SLC4A8: variants seen among roughly 807,000 people sequenced by gnomAD.
SLC4A8 encodes the protein solute carrier family 4 member 8, also known as electroneutral sodium bicarbonate exchanger 1.
SLC4A8 carries 40 observed loss-of-function variants against 125.0 expected under a neutral mutation model. That is an observed-to-expected ratio of 0.32 (90% CI 0.25 to 0.42). The LOEUF is 0.42. Among genes scored for constraint, SLC4A8 ranks in the 10% least tolerant of loss-of-function variants. The pLI is 1.00. For synonymous variants in SLC4A8, 456 were observed against 476.0 expected (o/e 0.96, Z 0.55); for missense variants, 863 against 1,355.1 (o/e 0.64, Z 5.70).
intron 1 of SLC4A8, among the ~76,000 whole-genome samples, chr12:51,430,336 T>G (rs551714975): frequency 6.6e-6 from 1 of 152,280 alleles, no homozygotes; most frequent in East Asian, 1.9e-4. Flanking sequence ...GCTGAGCGAA[T>G]GAATGAATGG....
chr12:51,410,677 C>T (rs962427709), intron 1 of SLC4A8, among the ~76,000 whole-genome samples: 1 of 152,022 alleles, frequency 6.6e-6, no homozygotes, highest in African/African-American at 2.4e-5. Context: ...CCAGGCTGGT[C>T]TCAAACTCCT....
chr12:51,461,266 C>G lies in SLC4A8; in HGVS notation c.1076C>G (p.Ser359Cys). ...CAGCAGTACCATGAGATTGGCAGAT[C>G]CATGGCCACCATCATGACAGATGAG... ...KGQQYHEIGR[S>C]MATIMTDEIF... Residue 359 changes from serine to cysteine, a missense_variant, in exon 9 of 25, where the codon TCC becomes TGC. Physicochemically the swap from Ser to Cys is moderately radical, Grantham distance 112. Around this residue, in one of 6 missense-constraint regions of SLC4A8, gnomAD observed 390 missense variants for 634.4 expected, o/e 0.61. Coordinates refer to ENST00000453097, the MANE Select transcript of SLC4A8 (RefSeq NM_001039960.3). The G allele has an allele frequency of 1.2e-6, 2 of 1,608,090 alleles. No homozygotes were observed. The highest frequency in any genetic ancestry group is 1.7e-6 in the Non-Finnish European group (2 of 1,174,712).
intron 1 of SLC4A8, among the ~76,000 whole-genome samples, chr12:51,399,295 A>G (rs1293860387): frequency 1.3e-5 from 2 of 152,204 alleles, no homozygotes; most frequent in African/African-American, 2.4e-5. Context: ...AAAAAAATCT[A>G]AAGCTCAAAA....
rs1438288113 is a variant in SLC4A8 at position 51,509,324 on chromosome 12, TCTTCATGAGCCAAAG to T, written c.*1892_*1906del. 2 of 152,230 alleles carry T rather than the reference TCTTCATGAGCCAAAG, an allele frequency of 1.3e-5. No homozygotes were observed. Among genetic ancestry groups the T allele is most frequent in the Non-Finnish European group, 2.9e-5 (2 of 68,040 alleles). The allele number at this position is 152,230 out of a possible 1,614,324, so 9.4% of individuals were successfully genotyped here. A position where few individuals can be genotyped will look rare whatever the true frequency, so the allele number is the denominator to read the frequency against. Reference sequence around the variant, plus strand: ...CTTGGAACCTATATGGGCATTAAAATCTTCATGAGCCAAAGCTTCACATTTTAGCACTTTAGGATA... The same window carrying T: ...CTTGGAACCTATATGGGCATTAAAATCTTCACATTTTAGCACTTTAGGATA... On this transcript the variant is annotated 3_prime_UTR_variant, in exon 25 of 25. Transcript: ENST00000453097.
intron 1 of SLC4A8, among the ~76,000 whole-genome samples, chr12:51,412,145 G>GT (rs962618202): frequency 1.8e-4 from 27 of 150,922 alleles, no homozygotes; most frequent in African/African-American, 4.1e-4. Context: ...ATTATTGAGG[G>GT]TTTTTTTTTG....
rs928413868 is a variant in SLC4A8, at chr12:51,511,228, G to A, written c.*3790G>A. 3 of 152,182 alleles carry A rather than the reference G, an allele frequency of 2.0e-5. No homozygotes were observed. Among genetic ancestry groups the A allele is most frequent in the African/African-American group, 7.2e-5 (3 of 41,434 alleles). The allele number at this position is 152,182 out of a possible 1,614,324, so 9.4% of individuals were successfully genotyped here. A position where few individuals can be genotyped will look rare whatever the true frequency, so the allele number is the denominator to read the frequency against. The stretch of plus-strand genomic sequence containing the variant: ...TGAGGCATGGTACAGTGCTGCGGAG[G>A]CAAGGCAAGGCTGTCATGGTGATTT... On this transcript the variant is annotated 3_prime_UTR_variant, in exon 25 of 25. Coordinates refer to ENST00000453097, the MANE Select transcript of SLC4A8 (RefSeq NM_001039960.3).
chr12:51,435,846 C>T (rs1362218630), intron 1 of SLC4A8, among the ~76,000 whole-genome samples: 1 of 152,092 alleles, frequency 6.6e-6, no homozygotes, highest in African/African-American at 2.4e-5. Flanking sequence ...TTTAGACTTA[C>T]CTTGTACATT....
intron 2 of SLC4A8, among the ~76,000 whole-genome samples, chr12:51,442,245 G>A (rs1949623935): frequency 6.6e-6 from 1 of 152,128 alleles, no homozygotes. Context: ...TCAATATCTT[G>A]CTCCATCAAA....
chr12:51,461,438 C>G, intron 9 of SLC4A8, 147 bp downstream of exon 9: 1 of 560,602 alleles, frequency 1.8e-6, no homozygotes, highest in South Asian at 2.4e-5. Context: ...TCTCTGAGAG[C>G]CCAGTGTGGA....
At chr12:51,462,570 G>T in intron 10 of SLC4A8, 114 bp downstream of exon 10, 5 of 779,250 alleles carry the variant, frequency 6.4e-6, no homozygotes, top group Non-Finnish European at 9.5e-6. Context: ...GCTCTGTTTT[G>T]GTGCACCTAG....
intron 1 of SLC4A8, among the ~76,000 whole-genome samples, chr12:51,432,414 A>AG (rs1279082044): frequency 7.1e-6 from 1 of 140,724 alleles, no homozygotes; most frequent in Non-Finnish European, 1.5e-5. Context: ...CCGCCTCAAA[A>AG]AAAAAAAAAA....
At chr12:51,455,126 A>T (rs1285956441) in intron 5 of SLC4A8, among the ~76,000 whole-genome samples, 6 of 146,022 alleles carry the variant, frequency 4.1e-5, no homozygotes, top group African/African-American at 1.5e-4. Flanking sequence ...GGTTGGGGGT[A>T]AGGTTATAGA....
intron 1 of SLC4A8, among the ~76,000 whole-genome samples, chr12:51,427,063 G>A (rs1228119953): frequency 6.6e-6 from 1 of 150,750 alleles, no homozygotes; most frequent in African/African-American, 2.4e-5. Flanking sequence ...CTCGGTCTCC[G>A]GAGTAGCTGC....
intron 22 of SLC4A8, among the ~76,000 whole-genome samples, chr12:51,500,728 C>G (rs2138437936): frequency 6.6e-6 from 1 of 151,784 alleles, no homozygotes; most frequent in Admixed American, 6.6e-5. Flanking sequence ...GCTCTTTCGC[C>G]CAGGCTGGAG....
At position 51,482,185 on chromosome 12, in the gene SLC4A8, C is replaced by G. The variant is rs113013636; in HGVS notation, c.2173-3602C>G. On this transcript the variant is annotated intron_variant, in intron 16 of 24. Coordinates refer to ENST00000453097, the MANE Select transcript of SLC4A8 (RefSeq NM_001039960.3). ...CTGTACTGTACACATAAAATATATA[C>G]CAGATCTTGAAGGATTGGTACCAGA... 6.8e-3 allele frequency among the ~76,000 whole-genome samples: 1,034 copies of G among 151,974 alleles called. 15 individuals are homozygous for G. Among genetic ancestry groups the G allele is most frequent in the African/African-American group, 0.023 (946 of 41,408 alleles).
intron 6 of SLC4A8, among the ~76,000 whole-genome samples, chr12:51,457,983 T>G (rs1334243916): frequency 6.6e-6 from 1 of 152,248 alleles, no homozygotes; most frequent in Non-Finnish European, 1.5e-5. Context: ...GGCACTCTAC[T>G]AAGCCTCTTT....
At chr12:51,471,216 C>T in intron 13 of SLC4A8, 71 bp from the exon 14 acceptor site, 2 of 1,439,810 alleles carry the variant, frequency 1.4e-6, no homozygotes, top group Non-Finnish European at 1.9e-6. Context: ...AATGAATTAA[C>T]CACATTTCTG....
rs575954052 is a variant in SLC4A8 at position 51,493,880 on chromosome 12, G to A, written c.2769+108G>A. On this transcript the variant is annotated intron_variant, in intron 20 of 24. Transcript: ENST00000453097. The stretch of plus-strand genomic sequence containing the variant: ...AGCACAACCAGTTCTTGAGAAAATT[G>A]TTTCCTAGTCTTGCCACTTAGGCTA... 249 of 781,376 alleles carry A rather than the reference G, an allele frequency of 3.2e-4. 3 individuals carry two copies. In the South Asian group the frequency reaches 3.5e-3, roughly 11 times the overall value. The allele number at this position is 781,376 out of a possible 1,614,324, so 48.4% of individuals were successfully genotyped here.
chr12:51,392,987 TC>T (rs1948179400), intron 1 of SLC4A8: 1 of 152,210 alleles, frequency 6.6e-6, no homozygotes, highest in Non-Finnish European at 1.5e-5. Flanking sequence ...TGTCTTTCTT[TC>T]TTTCTGTTTT....
Sources: allele counts gnomAD v4.1 joint callset (sites outside exome capture counted in the v4.1 genomes callset), GRCh38; gene constraint gnomAD v4.1.1; regional missense constraint gnomAD v4.1.1; transcripts MANE v1.5; gene names NCBI Gene and HGNC (gene_info 2026-07-23, HGNC 2026-07-21).